The following CDC42BPB variants were observed in gnomAD, a reference collection of about 807,000 sequenced individuals.
CDC42BPB encodes serine/threonine-protein kinase MRCK beta.
Under a neutral mutation model 214.9 loss-of-function variants are expected in CDC42BPB, and 37 were observed. The observed-to-expected ratio is 0.17, with a 90% confidence interval of 0.13 to 0.23. CDC42BPB has a LOEUF of 0.23. Among genes scored for constraint, CDC42BPB ranks in the 10% least tolerant of loss-of-function variants. The pLI is 1.00. For missense variants in CDC42BPB, 1,694 were observed against 2,227.0 expected (o/e 0.76, Z 4.82); for synonymous variants, 931 against 884.0 (o/e 1.05, Z -0.94).
At position 102,946,498 on chromosome 14, in the gene CDC42BPB, T is replaced by A; in HGVS notation, c.3718A>T (p.Ile1240Phe). 5 of 1,612,766 alleles carry A rather than the reference T, an allele frequency of 3.1e-6. No individual in the cohort carries two copies. Among genetic ancestry groups the A allele is most frequent in the Non-Finnish European group, 4.2e-6 (5 of 1,179,946 alleles). Residue 1240 changes from isoleucine to phenylalanine, a missense_variant, in exon 28 of 37, where the codon ATC becomes TTC. By Grantham distance (21) the Ile-to-Phe change is conservative. This residue lies in a region of CDC42BPB where 567 missense variants were observed against 790.3 expected (regional missense o/e 0.72). Transcript: ENST00000361246. ...ATGGCAGCTGTCAGGATGGCCTTGA[T>A]GAGAGGCAGCGAGCTGTCGTAGGCT... ...LEAYDSSLPL[I>F]KAILTAAIVD...
At chr14:102,977,769 C>T (rs903594518) in intron 9 of CDC42BPB, among the ~76,000 whole-genome samples, 3 of 152,078 alleles carry the variant, frequency 2.0e-5, no homozygotes, top group Non-Finnish European at 2.9e-5. Context: ...ATCTCACCCC[C>T]CTGGCCTCTG....
At chr14:102,935,005 C>A (rs1891583146) in intron 36 of CDC42BPB, among the ~76,000 whole-genome samples, 1 of 143,648 alleles carries the variant, frequency 7.0e-6, no homozygotes. Context: ...TAGAGTGAGA[C>A]TCTGTCTCAA....
At chr14:103,048,427 G>T (rs991827061) in intron 1 of CDC42BPB, among the ~76,000 whole-genome samples, 1 of 147,958 alleles carries the variant, frequency 6.8e-6, no homozygotes, top group African/African-American at 2.5e-5. Flanking sequence ...GGTAGCTCAC[G>T]CCTATAATCC....
In CDC42BPB at chr14:103,057,224, C is replaced by T. The variant is rs371335547; in HGVS notation, c.-51G>A. 1 of 1,280,696 alleles carries T rather than the reference C, an allele frequency of 7.8e-7. No individual in the cohort carries two copies. The highest frequency in any genetic ancestry group is 9.9e-7 in the Non-Finnish European group (1 of 1,010,112). The allele number at this position is 1,280,696 out of a possible 1,614,324, so 79.3% of individuals were successfully genotyped here. On this transcript the variant is annotated 5_prime_UTR_variant, in exon 1 of 37. Transcript: ENST00000361246. Reference sequence around the variant, plus strand: ...CGCCGGCCTCTCACCGCCGGCTCGGCCAGTCCGTCAGGGCGCGCCCTCGGG... The same window carrying T: ...CGCCGGCCTCTCACCGCCGGCTCGGTCAGTCCGTCAGGGCGCGCCCTCGGG...
At chr14:103,022,179 C>T (rs1886811852) in intron 1 of CDC42BPB, among the ~76,000 whole-genome samples, 1 of 152,088 alleles carries the variant, frequency 6.6e-6, no homozygotes, top group South Asian at 2.1e-4. Context: ...GCAGAGAAAG[C>T]CAGGACTTCC....
chr14:103,023,966 G>A (rs895413314), intron 1 of CDC42BPB, among the ~76,000 whole-genome samples: 1 of 152,190 alleles, frequency 6.6e-6, no homozygotes, highest in Non-Finnish European at 1.5e-5. Context: ...CACTGATGGG[G>A]GCGGTGCCCA....
Position 103,057,022 on chromosome 14 carries a change from T to A in CDC42BPB, c.152A>T (p.Tyr51Phe). 6.7e-7 allele frequency: 1 copy of A among 1,495,728 alleles called. No homozygotes were observed. Among genetic ancestry groups the A allele is most frequent in the South Asian group, 1.3e-5 (1 of 79,538 alleles). 92.7% of individuals were successfully genotyped at this position (1,495,728 alleles called of 1,614,324 possible). Residue 51 changes from tyrosine (Y) to phenylalanine (F), a missense_variant, in exon 1 of 37, where the codon TAC becomes TTC. By Grantham distance (22) the Tyr-to-Phe change is conservative. Coordinates refer to ENST00000361246, the MANE Select transcript of CDC42BPB (RefSeq NM_006035.4). ...CSHSALRRDK[Y>F]VAEFLEWAKP... Reference sequence around the variant, plus strand: ...ACCCCACTCGAGGAACTCGGCCACGTACTTGTCGCGGCGCAGGGCCGAGTG... The same window carrying A: ...ACCCCACTCGAGGAACTCGGCCACGAACTTGTCGCGGCGCAGGGCCGAGTG...
rs554120523 is a variant in CDC42BPB at position 103,047,033 on chromosome 14, C to T, written c.175+9966G>A. ...GGCGCGGCAGCTCATGCCTATAATC[C>T]CAAGCACTCTGGGAGGCCAAGGCGG... On this transcript the variant is annotated intron_variant, in intron 1 of 36. Transcript: ENST00000361246. Among the ~76,000 whole-genome samples the T allele has an allele frequency of 2.6e-5, 4 of 151,474 alleles. No individual in the cohort carries two copies. In the East Asian group the frequency reaches 7.9e-4, roughly 30 times the overall value.
At chr14:102,999,847 C>T in intron 4 of CDC42BPB, 134 bp from the exon 5 acceptor site, 1 of 1,475,752 alleles carries the variant, frequency 6.8e-7, no homozygotes, top group Non-Finnish European at 9.0e-7. Context: ...GCTCTTCTGT[C>T]ACCCAAGACC....
chr14:103,025,462 A>G (rs1886996961), intron 1 of CDC42BPB, among the ~76,000 whole-genome samples: 2 of 151,944 alleles, frequency 1.3e-5, no homozygotes, highest in African/African-American at 4.8e-5. Flanking sequence ...CACTCACAGA[A>G]GAGTGGATAA....
At chr14:103,024,767 T>C (rs976426786) in intron 1 of CDC42BPB, among the ~76,000 whole-genome samples, 1 of 152,196 alleles carries the variant, frequency 6.6e-6, no homozygotes, top group African/African-American at 2.4e-5. Flanking sequence ...AGGGATGTTA[T>C]ATAATAATAT....
At chr14:102,997,304 C>T (rs1366550543) in intron 5 of CDC42BPB, among the ~76,000 whole-genome samples, 1 of 152,186 alleles carries the variant, frequency 6.6e-6, no homozygotes, top group African/African-American at 2.4e-5. Context: ...AATCTCCACA[C>T]TGGATAAAGC....
chr14:102,938,266 C>G (rs200590802), intron 35 of CDC42BPB, 40 bp downstream of exon 35: 6 of 1,599,796 alleles, frequency 3.8e-6, no homozygotes, highest in African/African-American at 1.3e-5. Flanking sequence ...CCCTACCCCC[C>G]ACCTCCCCCA....
At chr14:103,036,990 G>GTT (rs955288505) in intron 1 of CDC42BPB, among the ~76,000 whole-genome samples, 4 of 150,662 alleles carry the variant, frequency 2.7e-5, no homozygotes, top group South Asian at 2.1e-4. Context: ...TAATTTTTGT[G>GTT]TTTTTTTTTG....
intron 7 of CDC42BPB, among the ~76,000 whole-genome samples, chr14:102,982,747 C>T (rs1461484551): frequency 1.3e-5 from 2 of 151,310 alleles, no homozygotes; most frequent in African/African-American, 2.4e-5. Context: ...GCGACAAGAG[C>T]GAAACTCCGT....
At chr14:103,050,179 G>C (rs559141922) in intron 1 of CDC42BPB, among the ~76,000 whole-genome samples, 1 of 152,228 alleles carries the variant, frequency 6.6e-6, no homozygotes, top group East Asian at 1.9e-4. Flanking sequence ...TGATCTGGCA[G>C]AGGTATTTAA....
chr14:103,015,995 C>T (rs551444626), intron 1 of CDC42BPB, among the ~76,000 whole-genome samples: 151 of 152,084 alleles, frequency 9.9e-4, no homozygotes, highest in African/African-American at 3.0e-3. Context: ...GGATTACAGG[C>T]GTGAGCCACT....
In CDC42BPB at chr14:102,999,377, G is replaced by A. The variant is rs77349179; in HGVS notation, c.596+188C>T. On this transcript the variant is annotated intron_variant, in intron 5 of 36. Transcript: ENST00000361246. ...CAGACCATGACAACTGCAACAATGA[G>A]AGCTGGGATCCACCGGCTGCTGGGG... 4.4e-3 allele frequency among the ~76,000 whole-genome samples: 667 copies of A among 152,280 alleles called. 10 individuals carry two copies. The highest frequency in any genetic ancestry group is 0.015 in the African/African-American group (637 of 41,540).
intron 23 of CDC42BPB, 184 bp from the exon 24 acceptor site, chr14:102,952,787 C>CGAGCCT: frequency 1.1e-6 from 1 of 943,174 alleles, no homozygotes; most frequent in Non-Finnish European, 1.3e-6. Flanking sequence ...AAACCACCTA[C>CGAGCCT]GAGCCTGAGC....
Sources: allele counts gnomAD v4.1 joint callset (sites outside exome capture counted in the v4.1 genomes callset), GRCh38; gene constraint gnomAD v4.1.1; regional missense constraint gnomAD v4.1.1; transcripts MANE v1.5; gene names NCBI Gene and HGNC (gene_info 2026-07-23, HGNC 2026-07-21).